SLA: variants seen among roughly 807,000 people sequenced by gnomAD.
The protein encoded by SLA is src-like-adapter.
SLA carries 16 observed loss-of-function variants against 30.3 expected under a neutral mutation model. The ratio of observed to expected loss-of-function variants is 0.53; its 90% confidence interval spans 0.36 to 0.80. The LOEUF is 0.80. SLA is among the 30% of genes least tolerant of loss of function. The pLI, the probability that SLA is intolerant of heterozygous loss-of-function variation, is 0.01. For synonymous variants in SLA, 143 were observed against 137.8 expected, an observed-to-expected ratio of 1.04 and a Z score of -0.26; for missense variants, 310 against 345.2, an observed-to-expected ratio of 0.90 and a Z score of 0.81.
At chr8:133,097,156 A>G (rs900975995) in intron 1 of SLA, among the ~76,000 whole-genome samples, 1 of 152,186 alleles carries the variant, frequency 6.6e-6, no homozygotes, top group Non-Finnish European at 1.5e-5. Context: ...CATGCATGAC[A>G]TGGGTCTCTG....
At chr8:133,073,509 C>T (rs1156547044) in intron 2 of SLA, among the ~76,000 whole-genome samples, 2 of 152,020 alleles carry the variant, frequency 1.3e-5, no homozygotes, top group East Asian at 3.9e-4. Context: ...TTACAGGCAC[C>T]CGCCACCAAG....
At chr8:133,096,175 G>A (rs767266998) in intron 1 of SLA, 1 of 1,613,832 alleles carries the variant, frequency 6.2e-7, no homozygotes. Context: ...GATTATTCCA[G>A]GACAACTGAT....
intron 3 of SLA, among the ~76,000 whole-genome samples, chr8:133,051,963 A>G (rs1371090374): frequency 1.3e-5 from 2 of 152,230 alleles, no homozygotes; most frequent in Non-Finnish European, 2.9e-5. Flanking sequence ...AAGCAAGCCC[A>G]TTCTTGCTGC....
Position 133,037,642 on chromosome 8 carries a change from T to A in SLA, c.*882A>T, listed in dbSNP as rs1436744191. ...TGGGGGTTAGGACTTACGCATCTTTTTTTTTTTTTTGGCTTGCCTGACACC... is the reference window on the plus strand; with the variant it reads ...TGGGGGTTAGGACTTACGCATCTTTATTTTTTTTTTGGCTTGCCTGACACC... On this transcript the variant is annotated 3_prime_UTR_variant, in exon 9 of 9. Transcript: ENST00000338087. 7.2e-5 allele frequency: 11 copies of A among 151,964 alleles called. No homozygotes were observed. The highest frequency in any genetic ancestry group is 1.2e-4 in the African/African-American group (5 of 41,386). 9.4% of individuals were successfully genotyped at this position (151,964 alleles called of 1,614,324 possible). A position where few individuals can be genotyped will look rare whatever the true frequency, so the allele number is the denominator to read the frequency against.
chr8:133,042,676 GTCTTTTTTTTTTT>G (rs1463022150), intron 7 of SLA, among the ~76,000 whole-genome samples: 1 of 55,582 alleles, frequency 1.8e-5, no homozygotes, highest in Non-Finnish European at 3.4e-5. Context: ...CTCATTCTGT[GTCTTTTTTTTTTT>G]TTTTTTTTTT....
intron 3 of SLA, among the ~76,000 whole-genome samples, chr8:133,055,669 G>A (rs554210474): frequency 1.3e-5 from 2 of 152,284 alleles, no homozygotes; most frequent in East Asian, 3.9e-4. Flanking sequence ...ATGCTAGAGG[G>A]ATATAGGCAG....
intron 2 of SLA, among the ~76,000 whole-genome samples, chr8:133,064,773 G>C (rs1446008100): frequency 1.3e-5 from 2 of 152,168 alleles, no homozygotes; most frequent in African/African-American, 2.4e-5. Flanking sequence ...AAATCCAGGT[G>C]GGGAGGCTTC....
intron 2 of SLA, among the ~76,000 whole-genome samples, chr8:133,066,506 A>G (rs1031607334): frequency 2.0e-5 from 3 of 152,202 alleles, no homozygotes; most frequent in Non-Finnish European, 4.4e-5. Context: ...CTCTCTGGGT[A>G]GTGATTTTAT....
At chr8:133,044,784 G>A (rs1287724036) in intron 7 of SLA, among the ~76,000 whole-genome samples, 200 bp downstream of exon 7, 1 of 152,196 alleles carries the variant, frequency 6.6e-6, no homozygotes, top group Non-Finnish European at 1.5e-5. Flanking sequence ...GAGATTAGCT[G>A]CATTTGACTT....
At chr8:133,059,337 T>C (rs1842029324) in intron 3 of SLA, 1 of 356,900 alleles carries the variant, frequency 2.8e-6, no homozygotes, top group African/African-American at 2.1e-5. Context: ...TCTGAGGAAA[T>C]AAAGGTCAGG....
intron 5 of SLA, 59 bp downstream of exon 5, chr8:133,049,842 CT>C: frequency 9.0e-7 from 1 of 1,108,230 alleles, no homozygotes; most frequent in Non-Finnish European, 1.4e-6. Flanking sequence ...TTTGTTCCAC[CT>C]TATGAGTCAC....
intron 2 of SLA, among the ~76,000 whole-genome samples, chr8:133,071,742 T>C (rs1250857269): frequency 3.3e-5 from 5 of 152,158 alleles, no homozygotes; most frequent in Non-Finnish European, 7.3e-5. Context: ...CTGCACTGAC[T>C]ACACTTGGTC....
At chr8:133,077,209 T>G (rs1325511032) in intron 1 of SLA, among the ~76,000 whole-genome samples, 1 of 152,092 alleles carries the variant, frequency 6.6e-6, no homozygotes, top group Non-Finnish European at 1.5e-5. Context: ...TAAAAGTTTT[T>G]GGGAAAGACA....
intron 3 of SLA, among the ~76,000 whole-genome samples, chr8:133,054,513 A>G (rs1250654165): frequency 1.3e-5 from 2 of 152,216 alleles, no homozygotes; most frequent in African/African-American, 2.4e-5. Flanking sequence ...GATTGAGTGA[A>G]GGATTCAGGA....
chr8:133,045,882 C>T (rs895403420), intron 6 of SLA, among the ~76,000 whole-genome samples: 37 of 152,196 alleles, frequency 2.4e-4, no homozygotes, highest in Admixed American at 2.0e-4. Flanking sequence ...CCCACCAATG[C>T]TGCCACAGCA....
chr8:133,061,134 C>T (rs981354533), intron 2 of SLA, among the ~76,000 whole-genome samples: 1 of 152,232 alleles, frequency 6.6e-6, no homozygotes, highest in African/African-American at 2.4e-5. Context: ...CCTCAGCCTT[C>T]CAAGTAGCTG....
intron 1 of SLA, among the ~76,000 whole-genome samples, chr8:133,082,766 T>C (rs923931499): frequency 6.6e-6 from 1 of 152,258 alleles, no homozygotes; most frequent in Non-Finnish European, 1.5e-5. Flanking sequence ...ATGACTTTTA[T>C]TACAGTTTCC....
intron 7 of SLA, among the ~76,000 whole-genome samples, chr8:133,042,481 A>G (rs537698433): frequency 6.6e-6 from 1 of 151,696 alleles, no homozygotes; most frequent in African/African-American, 2.4e-5. Flanking sequence ...CATTTTTCAC[A>G]TGCATCTTTT....
chr8:133,100,910 T>C (rs1849146961), intron 1 of SLA, among the ~76,000 whole-genome samples: 1 of 152,226 alleles, frequency 6.6e-6, no homozygotes, highest in Non-Finnish European at 1.5e-5. Flanking sequence ...CTTTACGTTA[T>C]CTCAACTGTA....
Sources: allele counts gnomAD v4.1 joint callset (sites outside exome capture counted in the v4.1 genomes callset), GRCh38; gene constraint gnomAD v4.1.1; transcripts MANE v1.5; gene names NCBI Gene and HGNC (gene_info 2026-07-23, HGNC 2026-07-21).